Variants in ANKIB1 observed in about 807,000 individuals in gnomAD.
ANKIB1 encodes the protein ankyrin repeat and IBR domain-containing protein 1.
In ANKIB1, 43 loss-of-function variants were observed where a neutral mutation model predicts 122.1. The observed-to-expected ratio is 0.35, with a 90% CI of 0.28 to 0.45. The LOEUF is 0.45. Among genes scored for constraint, ANKIB1 ranks in the 20% least tolerant of loss-of-function variants. ANKIB1 has a pLI of 1.00. For missense variants in ANKIB1, 992 were observed against 1,329.5 expected, an observed-to-expected ratio of 0.75 and a Z score of 3.95; for synonymous variants, 390 against 442.0, an observed-to-expected ratio of 0.88 and a Z score of 1.48.
rs763431028 is a variant in ANKIB1, at chr7:92,343,207, C to T, written c.971C>T (p.Ser324Phe). ...ACCTCCCCAGATGAAATCAGCTTAT[C>T]TCCTGGGGATTTAGACACCAGTTTG... is the stretch of plus-strand genomic sequence containing the variant. Reference protein sequence around the residue: ...SVTSPDEISLSPGDLDTSLCD... With the variant: ...SVTSPDEISLFPGDLDTSLCD... Residue 324 changes from serine (S) to phenylalanine (F), a missense_variant, in exon 6 of 20, where the codon TCT (serine) becomes TTT (phenylalanine). Ser to Phe is a radical substitution (Grantham distance 155, BLOSUM62 -2). Transcript: ENST00000265742. The T allele has an allele frequency of 6.2e-7, 1 of 1,613,906 alleles. No individual in the cohort carries two copies. Among genetic ancestry groups the T allele is most frequent in the East Asian group, 2.2e-5 (1 of 44,858 alleles).
At chr7:92,328,359 G>A (rs1803072271) in intron 5 of ANKIB1, among the ~76,000 whole-genome samples, 1 of 152,116 alleles carries the variant, frequency 6.6e-6, no homozygotes, top group Non-Finnish European at 1.5e-5. Context: ...CCCATGAAGT[G>A]CACAAAGTGA....
chr7:92,259,249 C>T (rs1268664475), intron 1 of ANKIB1, among the ~76,000 whole-genome samples: 1 of 152,110 alleles, frequency 6.6e-6, no homozygotes, highest in Non-Finnish European at 1.5e-5. Flanking sequence ...AGCCACTGCA[C>T]CAGGCTAAGG....
intron 11 of ANKIB1, among the ~76,000 whole-genome samples, chr7:92,374,433 G>A (rs1804338740): frequency 6.6e-6 from 1 of 152,108 alleles, no homozygotes; most frequent in Non-Finnish European, 1.5e-5. Flanking sequence ...AGCTGAGATT[G>A]TGCCATTGCA....
In ANKIB1 at chr7:92,338,618, T is replaced by C. The variant is rs553692770; in HGVS notation, c.788-4406T>C. 3.4e-4 allele frequency among the ~76,000 whole-genome samples: 51 copies of C among 151,770 alleles called. 2 individuals carry two copies. In the South Asian group the frequency reaches 0.01, roughly 31 times the overall value. The stretch of plus-strand genomic sequence containing the variant: ...TTTTTATAATAGCTTTTTAAAAATA[T>C]CTATGTGACTTGGCCGGGTGTGGTG... On this transcript the variant is annotated intron_variant, in intron 5 of 19. Coordinates refer to ENST00000265742, the MANE Select transcript of ANKIB1 (RefSeq NM_019004.2).
chr7:92,379,340 C>T (rs1804459418), intron 11 of ANKIB1, among the ~76,000 whole-genome samples: 1 of 152,028 alleles, frequency 6.6e-6, no homozygotes, highest in African/African-American at 2.4e-5. Context: ...TGCAGTGAGC[C>T]GAGTTACTGC....
intron 1 of ANKIB1, among the ~76,000 whole-genome samples, chr7:92,288,035 C>CAAA (rs35766675): frequency 1.3e-3 from 120 of 90,030 alleles, no homozygotes; most frequent in Non-Finnish European, 1.8e-3. Context: ...GACTCCGTCT[C>CAAA]AAAAAAAAAA....
chr7:92,355,966 T>C (rs936882383), intron 9 of ANKIB1, among the ~76,000 whole-genome samples: 6 of 151,926 alleles, frequency 3.9e-5, no homozygotes, highest in African/African-American at 1.4e-4. Flanking sequence ...AAAAAGTCTT[T>C]AAAAGGAACA....
intron 1 of ANKIB1, among the ~76,000 whole-genome samples, chr7:92,271,738 G>C (rs150996357): frequency 1.3e-3 from 195 of 152,274 alleles, no homozygotes; most frequent in African/African-American, 4.4e-3. Flanking sequence ...ATATTCGGAA[G>C]ATAAAGTTAG....
At chr7:92,325,855 G>A in intron 4 of ANKIB1, 1 of 411,624 alleles carries the variant, frequency 2.4e-6, no homozygotes, top group Middle Eastern at 4.9e-4. Flanking sequence ...GCAGTAGTAT[G>A]CACTAATGCA....
intron 1 of ANKIB1, among the ~76,000 whole-genome samples, chr7:92,277,099 C>T (rs568509024): frequency 1.3e-5 from 2 of 152,142 alleles, no homozygotes; most frequent in South Asian, 2.1e-4. Context: ...CTTTCCCTTC[C>T]GCCATGATTG....
At position 92,330,613 on chromosome 7, in the gene ANKIB1, T is replaced by C. The variant is rs188137162; in HGVS notation, c.787+2713T>C. The stretch of plus-strand genomic sequence containing the variant: ...ATCACAGCACTTTGGGAGGCCGAGG[T>C]GGGCGGATCATGAGGTCAGGAGATC... On this transcript the variant is annotated intron_variant, in intron 5 of 19. Transcript: ENST00000265742. Among the ~76,000 whole-genome samples, 304 of 152,068 alleles carry C rather than the reference T, an allele frequency of 2.0e-3. 1 individual carries two copies. The highest frequency in any genetic ancestry group is 7.1e-3 in the African/African-American group (294 of 41,506).
intron 7 of ANKIB1, 117 bp downstream of exon 7, chr7:92,345,183 C>T (rs768914382): frequency 8.8e-5 from 60 of 685,652 alleles, no homozygotes; most frequent in Non-Finnish European, 1.4e-4. Context: ...TTCTGAGTTA[C>T]ACAGAAATGA....
At chr7:92,283,708 G>T (rs576860925) in intron 1 of ANKIB1, among the ~76,000 whole-genome samples, 1 of 152,158 alleles carries the variant, frequency 6.6e-6, no homozygotes, top group African/African-American at 2.4e-5. Context: ...ACATCATTGT[G>T]CAGTTATTTT....
At chr7:92,335,370 T>C (rs940367586) in intron 5 of ANKIB1, among the ~76,000 whole-genome samples, 2 of 152,012 alleles carry the variant, frequency 1.3e-5, no homozygotes, top group African/African-American at 4.8e-5. Context: ...TTGTTCATCA[T>C]AGTGTTCTAT....
At chr7:92,344,794 GA>G (rs1345740279) in intron 6 of ANKIB1, among the ~76,000 whole-genome samples, 183 bp from the exon 7 acceptor site, 1 of 152,152 alleles carries the variant, frequency 6.6e-6, no homozygotes, top group African/African-American at 2.4e-5. Flanking sequence ...TATTTATAGT[GA>G]GGTAGTCATG....
intron 1 of ANKIB1, among the ~76,000 whole-genome samples, chr7:92,272,215 G>T (rs778224953): frequency 2.5e-4 from 38 of 151,978 alleles, no homozygotes; most frequent in Non-Finnish European, 4.3e-4. Context: ...AAACAGAACC[G>T]CACCAAGGCA....
chr7:92,249,480 GGAGGCCGAGGTGGACAGATCAT>G (rs997305474), intron 1 of ANKIB1, among the ~76,000 whole-genome samples: 1 of 152,286 alleles, frequency 6.6e-6, no homozygotes, highest in African/African-American at 2.4e-5. Context: ...CAGCACTTTG[GGAGGCCGAGGTGGACAGATCAT>G]GAGGTCAAGA....
intron 12 of ANKIB1, among the ~76,000 whole-genome samples, chr7:92,386,928 T>C (rs1233014782): frequency 1.3e-5 from 2 of 152,166 alleles, no homozygotes; most frequent in African/African-American, 4.8e-5. Flanking sequence ...AACAATGCAG[T>C]ATTACATTAT....
chr7:92,384,500 A>G (rs1007155902), intron 11 of ANKIB1, among the ~76,000 whole-genome samples: 6 of 152,162 alleles, frequency 3.9e-5, no homozygotes, highest in Non-Finnish European at 7.3e-5. Context: ...ACAAGGCTAC[A>G]GTAACCAAAA....
Sources: gnomAD v4.1 joint callset for allele counts (sites outside exome capture counted in the v4.1 genomes callset) on GRCh38, gnomAD v4.1.1 for gene constraint, MANE v1.5 for transcripts, NCBI Gene and HGNC (gene_info 2026-07-23, HGNC 2026-07-21) for gene names.